Variants in PLPPR1 observed in about 807,000 individuals in gnomAD.
PLPPR1 encodes the protein phospholipid phosphatase related 1.
In PLPPR1, 10 loss-of-function variants were observed where a neutral mutation model predicts 33.1. That is an observed-to-expected ratio of 0.30 (90% CI 0.19 to 0.51). PLPPR1 has a LOEUF of 0.51. PLPPR1 is among the 20% of genes least tolerant of loss of function. The pLI, the probability that PLPPR1 is intolerant of heterozygous loss-of-function variation, is 0.97. For missense variants in PLPPR1, 304 were observed against 408.1 expected (o/e 0.74, Z 2.20); for synonymous variants, 151 against 151.0 (o/e 1.00, Z 0.00).
At chr9:101,092,527 T>A (rs1387262646) in intron 1 of PLPPR1, among the ~76,000 whole-genome samples, 1 of 152,168 alleles carries the variant, frequency 6.6e-6, no homozygotes, top group Non-Finnish European at 1.5e-5. Context: ...CAGCCTTGCC[T>A]ACCTCTTGAG....
chr9:101,095,554 C>T (rs1205340401), intron 1 of PLPPR1, among the ~76,000 whole-genome samples: 1 of 152,128 alleles, frequency 6.6e-6, no homozygotes, highest in Non-Finnish European at 1.5e-5. Flanking sequence ...TTTTTAAAAG[C>T]TAAACTTCCT....
chr9:101,197,257 T>C (rs1588068237), intron 2 of PLPPR1, among the ~76,000 whole-genome samples: 1 of 152,154 alleles, frequency 6.6e-6, no homozygotes, highest in East Asian at 1.9e-4. Context: ...CTAGCGTTAC[T>C]CACAGGAAGT....
chr9:101,275,696 C>A (rs945117509), intron 3 of PLPPR1, among the ~76,000 whole-genome samples: 1 of 152,156 alleles, frequency 6.6e-6, no homozygotes, highest in Non-Finnish European at 1.5e-5. Context: ...GATTTACCCT[C>A]ATTTTATCTC....
At chr9:101,155,383 G>C (rs1831666259) in intron 1 of PLPPR1, among the ~76,000 whole-genome samples, 1 of 152,152 alleles carries the variant, frequency 6.6e-6, no homozygotes, top group Admixed American at 6.5e-5. Context: ...TGCATCTGGT[G>C]AGAGCCTTCT....
At chr9:101,172,422 T>G (rs1224599053) in intron 1 of PLPPR1, among the ~76,000 whole-genome samples, 3 of 151,804 alleles carry the variant, frequency 2.0e-5, no homozygotes, top group African/African-American at 7.3e-5. Context: ...GGATGAGAAA[T>G]GTTTTCATGC....
chr9:101,055,560 C>T (rs1190438383), intron 1 of PLPPR1, among the ~76,000 whole-genome samples: 1 of 152,204 alleles, frequency 6.6e-6, no homozygotes, highest in Non-Finnish European at 1.5e-5. Context: ...ATCTTAAATA[C>T]TTTATGCTAT....
intron 2 of PLPPR1, among the ~76,000 whole-genome samples, chr9:101,204,542 C>T (rs1475915553): frequency 2.6e-5 from 4 of 152,116 alleles, no homozygotes; most frequent in Non-Finnish European, 5.9e-5. Flanking sequence ...TCTGCAGCTG[C>T]TGTTTCCGTA....
chr9:101,281,683 T>C (rs1588109564), intron 3 of PLPPR1, among the ~76,000 whole-genome samples: 1 of 151,902 alleles, frequency 6.6e-6, no homozygotes, highest in Non-Finnish European at 1.5e-5. Flanking sequence ...TAGACTAAAT[T>C]GATAAACCTT....
intron 1 of PLPPR1, among the ~76,000 whole-genome samples, chr9:101,166,430 A>G (rs1469564227): frequency 6.6e-6 from 1 of 152,198 alleles, no homozygotes; most frequent in Non-Finnish European, 1.5e-5. Context: ...ACAACTGTTG[A>G]ACAAAATAGG....
intron 2 of PLPPR1, among the ~76,000 whole-genome samples, chr9:101,209,848 C>T (rs1826658688): frequency 6.6e-6 from 1 of 152,188 alleles, no homozygotes; most frequent in South Asian, 2.1e-4. Flanking sequence ...TTCTGGGTCA[C>T]AGCCTCGCTG....
intron 1 of PLPPR1, among the ~76,000 whole-genome samples, chr9:101,031,701 A>G (rs1829947551): frequency 6.6e-6 from 1 of 152,150 alleles, no homozygotes; most frequent in Non-Finnish European, 1.5e-5. Context: ...CATGAAAGTG[A>G]TTTTTTCCTT....
At chr9:101,197,185 G>A (rs983809000) in intron 2 of PLPPR1, among the ~76,000 whole-genome samples, 2 of 152,064 alleles carry the variant, frequency 1.3e-5, no homozygotes, top group African/African-American at 4.8e-5. Flanking sequence ...TGTCAATTTT[G>A]GTCACGCGTA....
chr9:101,175,337 CT>C (rs751118211), intron 1 of PLPPR1, among the ~76,000 whole-genome samples: 12 of 152,112 alleles, frequency 7.9e-5, no homozygotes, highest in Admixed American at 6.5e-4. Flanking sequence ...TGGCATAAAA[CT>C]GAATATATTA....
intron 2 of PLPPR1, among the ~76,000 whole-genome samples, chr9:101,253,201 C>T (rs1005555956): frequency 6.6e-6 from 1 of 151,608 alleles, no homozygotes; most frequent in African/African-American, 2.4e-5. Context: ...GACTTTTGTA[C>T]AAGAGTCAAC....
In PLPPR1 at chr9:101,270,026, T is replaced by C. The variant is rs1176955911; in HGVS notation, c.210T>C (p.Pro70=). 6.2e-7 allele frequency: 1 copy of C among 1,614,098 alleles called. No individual in the cohort carries two copies. The highest frequency in any genetic ancestry group is 8.5e-7 in the Non-Finnish European group (1 of 1,180,032). ...PGTEEESFIT[P]LVLYCVLAAT... ...CAGAGGAAGAAAGCTTCATCACCCC[T>C]CTGGTGCTCTATTGTGTGCTGGCTG... The change falls in exon 3 of 8, where the codon CCT becomes CCC. Residue 70 remains proline, a synonymous_variant. Coordinates refer to ENST00000374874, the MANE Select transcript of PLPPR1 (RefSeq NM_207299.2).
intron 1 of PLPPR1, among the ~76,000 whole-genome samples, chr9:101,061,363 C>T (rs1207718295): frequency 6.6e-6 from 1 of 151,804 alleles, no homozygotes; most frequent in Non-Finnish European, 1.5e-5. Context: ...TAAGATATAA[C>T]TTGCAAAATG....
At chr9:101,284,665 G>A (rs992839603) in intron 3 of PLPPR1, among the ~76,000 whole-genome samples, 3 of 152,088 alleles carry the variant, frequency 2.0e-5, no homozygotes, top group Admixed American at 6.6e-5. Context: ...AACCCATAAA[G>A]GGAGAACATT....
chr9:101,236,834 A>G (rs898744157), intron 2 of PLPPR1, among the ~76,000 whole-genome samples: 5 of 151,880 alleles, frequency 3.3e-5, no homozygotes, highest in African/African-American at 1.2e-4. Flanking sequence ...CCAAAAACAG[A>G]CAAATAGGAC....
At chr9:101,251,994 A>C (rs1201590016) in intron 2 of PLPPR1, among the ~76,000 whole-genome samples, 1 of 152,140 alleles carries the variant, frequency 6.6e-6, no homozygotes, top group Non-Finnish European at 1.5e-5. Context: ...AGTGAATAAA[A>C]AATCCTGATG....
Sources: allele counts gnomAD v4.1 joint callset (sites outside exome capture counted in the v4.1 genomes callset), GRCh38; gene constraint gnomAD v4.1.1; transcripts MANE v1.5; gene names NCBI Gene and HGNC (gene_info 2026-07-23, HGNC 2026-07-21).